Variants in RXFP1 observed in about 807,000 individuals in gnomAD.
RXFP1 encodes the protein relaxin receptor 1.
In RXFP1, 73 loss-of-function variants were observed where a neutral mutation model predicts 89.8. The observed-to-expected ratio is 0.81, with a 90% confidence interval of 0.67 to 0.99. The LOEUF is 0.99. RXFP1 is among the 50% of genes least tolerant of loss of function. The pLI, the probability that RXFP1 is intolerant of heterozygous loss-of-function variation, is 0.00. For synonymous variants in RXFP1, 277 were observed against 305.5 expected, an observed-to-expected ratio of 0.91 and a Z score of 0.97; for missense variants, 793 against 895.5, an observed-to-expected ratio of 0.89 and a Z score of 1.46.
chr4:158,536,288 C>T (rs1745260779), intron 1 of RXFP1, among the ~76,000 whole-genome samples: 2 of 152,178 alleles, frequency 1.3e-5, no homozygotes, highest in African/African-American at 4.8e-5. Context: ...AATATATTTA[C>T]ATTTTAATCA....
intron 1 of RXFP1, among the ~76,000 whole-genome samples, chr4:158,553,112 C>A (rs1750531855): frequency 6.6e-6 from 1 of 152,056 alleles, no homozygotes; most frequent in Non-Finnish European, 1.5e-5. Flanking sequence ...TCACCTGAGC[C>A]CAGGGGTTTG....
intron 14 of RXFP1, among the ~76,000 whole-genome samples, chr4:158,644,188 A>G (rs748792065): frequency 7.9e-5 from 12 of 151,780 alleles, no homozygotes; most frequent in Non-Finnish European, 1.6e-4. Context: ...CTGGGACTAC[A>G]GGAGCCCGCC....
At chr4:158,639,838 C>T (rs538682954) in intron 14 of RXFP1, among the ~76,000 whole-genome samples, 30 of 151,854 alleles carry the variant, frequency 2.0e-4, no homozygotes, top group South Asian at 1.3e-3. Flanking sequence ...CCAGCCTGGG[C>T]GACAGAGTGA....
At chr4:158,588,674 G>A (rs1758775995) in intron 2 of RXFP1, among the ~76,000 whole-genome samples, 1 of 152,224 alleles carries the variant, frequency 6.6e-6, no homozygotes, top group Admixed American at 6.5e-5. Context: ...TACAGGAGGT[G>A]TGAAATGTTG....
chr4:158,639,876 A>C (rs1448012909), intron 14 of RXFP1, among the ~76,000 whole-genome samples: 1 of 152,056 alleles, frequency 6.6e-6, no homozygotes, highest in Non-Finnish European at 1.5e-5. Context: ...AAAAAAAAAG[A>C]AAAGAAAAGA....
intron 12 of RXFP1, among the ~76,000 whole-genome samples, chr4:158,637,051 C>T (rs752327533): frequency 1.3e-5 from 2 of 152,098 alleles, no homozygotes; most frequent in Non-Finnish European, 2.9e-5. Context: ...CAGATTCATT[C>T]ATGTTGTTGC....
At chr4:158,543,723 C>A (rs1747439486) in intron 1 of RXFP1, 1 of 975,352 alleles carries the variant, frequency 1.0e-6, no homozygotes, top group African/African-American at 1.8e-5. Flanking sequence ...CCTAGTACTT[C>A]CTCCTGAAGA....
chr4:158,624,532 C>T (rs1423756729), intron 9 of RXFP1, among the ~76,000 whole-genome samples: 1 of 151,978 alleles, frequency 6.6e-6, no homozygotes, highest in Admixed American at 6.6e-5. Context: ...AATGGTTAGT[C>T]TCAGAGGCTC....
At chr4:158,576,196 A>G (rs1461249175) in intron 2 of RXFP1, among the ~76,000 whole-genome samples, 1 of 152,194 alleles carries the variant, frequency 6.6e-6, no homozygotes, top group African/African-American at 2.4e-5. Context: ...CTTGAAATTC[A>G]CCTAGACCAC....
intron 1 of RXFP1, among the ~76,000 whole-genome samples, chr4:158,525,279 G>A (rs1223616488): frequency 6.6e-6 from 1 of 150,840 alleles, no homozygotes; most frequent in African/African-American, 2.4e-5. Context: ...AGTGCAATTT[G>A]GTACATGCCT....
intron 13 of RXFP1, among the ~76,000 whole-genome samples, chr4:158,638,999 T>C (rs1260216931): frequency 6.6e-6 from 1 of 152,188 alleles, no homozygotes; most frequent in African/African-American, 2.4e-5. Flanking sequence ...CACATATTTA[T>C]TGATTAGTTA....
At chr4:158,574,815 C>A (rs1052391532) in intron 2 of RXFP1, among the ~76,000 whole-genome samples, 8 of 152,280 alleles carry the variant, frequency 5.3e-5, no homozygotes, top group Non-Finnish European at 2.9e-5. Context: ...TCAAGTATAA[C>A]CACACTATCT....
intron 1 of RXFP1, among the ~76,000 whole-genome samples, chr4:158,570,065 C>T (rs189639438): frequency 2.0e-5 from 3 of 152,114 alleles, no homozygotes; most frequent in Non-Finnish European, 4.4e-5. Context: ...AGCTTGGACA[C>T]TCAAACATTC....
At chr4:158,548,609 T>A (rs1010338797) in intron 1 of RXFP1, among the ~76,000 whole-genome samples, 1 of 152,240 alleles carries the variant, frequency 6.6e-6, no homozygotes, top group Non-Finnish European at 1.5e-5. Flanking sequence ...TTTCCTTGTT[T>A]AGTGCTTCCT....
At position 158,608,001 on chromosome 4, in the gene RXFP1, T is replaced by C; in HGVS notation, c.494T>C (p.Ile165Thr). 2 of 1,608,548 alleles carry C rather than the reference T, an allele frequency of 1.2e-6. No homozygotes were observed. The highest frequency in any genetic ancestry group is 1.7e-6 in the Non-Finnish European group (2 of 1,176,110). The change falls in exon 6 of 18, where the codon ATC becomes ACC. Residue 165 changes from isoleucine (I) to threonine (T), a missense_variant. Physicochemically the swap from Ile to Thr is moderately conservative, Grantham distance 89 (BLOSUM62 -1). Transcript: ENST00000307765. ...CTGCAAAACAATAAGATTACATCCATCTCCATCTATGCTTTCAGAGGACTG... is the reference window on the plus strand; with the variant it reads ...CTGCAAAACAATAAGATTACATCCACCTCCATCTATGCTTTCAGAGGACTG... ...LYLQNNKITSISIYAFRGLNS... is the reference protein window; with the variant it reads ...LYLQNNKITSTSIYAFRGLNS...
rs1248207631 is a variant in RXFP1, at chr4:158,633,488, G to A, written c.971+12G>A. On this transcript the variant is annotated intron_variant, in intron 12 of 17. Coordinates refer to ENST00000307765, the MANE Select transcript of RXFP1 (RefSeq NM_021634.4). ...GAGCTGTCACAATTGTAAGACTGAT[G>A]TTAATTTTGCCACCTCGTTTCTTTA... 9.2e-6 allele frequency: 14 copies of A among 1,529,330 alleles called. No homozygotes were observed. Among genetic ancestry groups the A allele is most frequent in the Admixed American group, 2.0e-5 (1 of 50,994 alleles). The allele number at this position is 1,529,330 out of a possible 1,614,324, so 94.7% of individuals were successfully genotyped here.
intron 14 of RXFP1, among the ~76,000 whole-genome samples, chr4:158,644,041 CTTTTTT>C (rs70962619): frequency 1.3e-5 from 1 of 78,302 alleles, no homozygotes; most frequent in Non-Finnish European, 2.6e-5. Flanking sequence ...TCTATGTCTT[CTTTTTT>C]TTTTTTTTTT....
intron 4 of RXFP1, among the ~76,000 whole-genome samples, chr4:158,601,329 G>C (rs961275303): frequency 6.6e-6 from 1 of 152,096 alleles, no homozygotes; most frequent in Non-Finnish European, 1.5e-5. Context: ...CAGTATGATC[G>C]GAGAATGAGG....
At chr4:158,579,032 G>A (rs1450907875) in intron 2 of RXFP1, among the ~76,000 whole-genome samples, 1 of 148,202 alleles carries the variant, frequency 6.7e-6, no homozygotes, top group Non-Finnish European at 1.5e-5. Flanking sequence ...CAATGACAGT[G>A]TCCTCGCAAG....
Sources: allele counts gnomAD v4.1 joint callset (sites outside exome capture counted in the v4.1 genomes callset), GRCh38; gene constraint gnomAD v4.1.1; transcripts MANE v1.5; gene names NCBI Gene and HGNC (gene_info 2026-07-23, HGNC 2026-07-21).